The following ZNF197 variants were observed in gnomAD, a reference collection of about 807,000 sequenced individuals.
ZNF197 encodes zinc finger protein 197.
ZNF197 carries 14 observed loss-of-function variants against 27.4 expected under a neutral mutation model. That is an observed-to-expected ratio of 0.51 (90% CI 0.34 to 0.80). The LOEUF is 0.80. Ranked by LOEUF, ZNF197 falls within the 30% of genes least tolerant of loss-of-function variation. ZNF197 has a pLI of 0.02. For missense variants in ZNF197, 1,090 were observed against 1,222.6 expected (o/e 0.89, Z 1.62); for synonymous variants, 415 against 420.0 (o/e 0.99, Z 0.15).
In ZNF197 at chr3:44,642,093, G is replaced by A. The variant is rs1702638375; in HGVS notation, c.963G>A (p.Val321=). 3.1e-6 allele frequency: 5 copies of A among 1,614,080 alleles called. No homozygotes were observed. In the Admixed American group the frequency reaches 6.7e-5, roughly 22 times the overall value. The part of the protein sequence containing the change: ...GNETDERADT[V]KKVSLCERDK... ...AAACAGATGAAAGGGCAGATACAGT[G>A]AAGAAAGTTTCCCTTTGTGAACGAG... The change falls in exon 6 of 6, where the codon GTG becomes GTA. Residue 321 remains valine (V), a synonymous_variant. Coordinates refer to ENST00000344387, the MANE Select transcript of ZNF197 (RefSeq NM_006991.5).
chr3:44,643,765 T>TGTA lies in ZNF197; in HGVS notation c.2637_2639dup (p.Cys879_Arg880insSer). On this transcript the variant is annotated inframe_insertion, in exon 6 of 6. Coordinates refer to ENST00000344387, the MANE Select transcript of ZNF197 (RefSeq NM_006991.5). ...AGAAAAAACCTACGAATGTCATGTA[T>TGTA]GTAGGAAAGTCCTTACCTCTAGTAG... is the stretch of plus-strand genomic sequence containing the variant. The TGTA allele has an allele frequency of 6.2e-7, 1 of 1,614,046 alleles. No homozygotes were observed. The highest frequency in any genetic ancestry group is 8.5e-7 in the Non-Finnish European group (1 of 1,180,030).
Position 44,644,525 on chromosome 3 carries a change from C to T in ZNF197, c.*305C>T. ...TGGGGGCACACACCGGTAATCCCAGCTACTCAGGAGGCTGAGACAGGAGAG... is the reference window on the plus strand; with the variant it reads ...TGGGGGCACACACCGGTAATCCCAGTTACTCAGGAGGCTGAGACAGGAGAG... On this transcript the variant is annotated 3_prime_UTR_variant, in exon 6 of 6. Transcript: ENST00000344387. 1.2e-6 allele frequency: 1 copy of T among 822,210 alleles called. No individual in the cohort carries two copies. Among genetic ancestry groups the T allele is most frequent in the Non-Finnish European group, 1.5e-6 (1 of 669,238 alleles). The allele number at this position is 822,210 out of a possible 1,614,324, so 50.9% of individuals were successfully genotyped here.
In ZNF197 at chr3:44,634,119, T is replaced by C. The variant is rs1575472887; in HGVS notation, c.769+1520T>C. 2.0e-5 allele frequency among the ~76,000 whole-genome samples: 3 copies of C among 152,332 alleles called. No homozygotes were observed. In the East Asian group the frequency reaches 5.8e-4, roughly 29 times the overall value. ...GAGAGCCAATTTTCCCTGGATATGC[T>C]CATGATTTGGTCAGTCTTTTAATTA... On this transcript the variant is annotated intron_variant, in intron 5 of 5. Transcript: ENST00000344387.
At position 44,632,189 on chromosome 3, in the gene ZNF197, A is replaced by C; in HGVS notation, c.635A>C (p.Gln212Pro). The change falls in exon 4 of 6, where the codon CAG (glutamine) becomes CCG (proline). Residue 212 changes from glutamine (Q) to proline (P), a missense_variant. Coordinates refer to ENST00000344387, the MANE Select transcript of ZNF197 (RefSeq NM_006991.5). The stretch of plus-strand genomic sequence containing the variant: ...ATGGCACTTATGCTCCTAACAGCCC[A>C]GCCCCAGGTAAGGTTTGCATCCTCT... Reference protein sequence around the residue: ...QLMALMLLTAQPQELVMFEEV... With the variant: ...QLMALMLLTAPPQELVMFEEV... The C allele has an allele frequency of 6.2e-7, 1 of 1,614,186 alleles. No individual in the cohort carries two copies. Among genetic ancestry groups the C allele is most frequent in the South Asian group, 1.1e-5 (1 of 91,082 alleles).
In ZNF197 at chr3:44,643,089, T is replaced by C. The variant is rs1330702145; in HGVS notation, c.1959T>C (p.Asn653=). The change falls in exon 6 of 6, where the codon AAT becomes AAC. Residue 653 remains asparagine (N), a synonymous_variant. Transcript: ENST00000344387. ...ATGGGGAGAAGCCCTATGAATGTAA[T>C]GAATGTGGGAAAGTTTTTATTCTGA... The part of the protein sequence containing the change: ...LHNGEKPYEC[N]ECGKVFILKK... The C allele has an allele frequency of 3.7e-6, 6 of 1,611,810 alleles. No individual in the cohort carries two copies. The East Asian group carries it at 1.1e-4, about 30-fold the overall frequency.
At chr3:44,634,881 C>T (rs868188530) in intron 5 of ZNF197, among the ~76,000 whole-genome samples, 106 of 151,670 alleles carry the variant, frequency 7.0e-4, no homozygotes, top group African/African-American at 2.4e-3. Flanking sequence ...AGATGGCAGC[C>T]TCACTATGCT....
chr3:44,628,926 G>A (rs548586493), intron 1 of ZNF197, 148 bp from the exon 2 acceptor site: 1 of 444,358 alleles, frequency 2.3e-6, no homozygotes, highest in East Asian at 4.3e-5. Context: ...GGGGGTTTCT[G>A]TCAGAGGAAG....
chr3:44,632,442 T>C lies in ZNF197; in HGVS notation c.643-31T>C, dbSNP rs148671584. 1.3e-4 allele frequency: 202 copies of C among 1,559,442 alleles called. No individual in the cohort carries two copies. The African/African-American group carries it at 2.2e-3, about 17-fold the overall frequency. The stretch of plus-strand genomic sequence containing the variant: ...CTTTCGACAGGCAAGTTCCTGGGCA[T>C]TGGTAATCTCACACACACTTGTTAT... On this transcript the variant is annotated intron_variant, in intron 4 of 5. Transcript: ENST00000344387.
rs926624634 is a variant in ZNF197, at chr3:44,644,492, T to C, written c.*272T>C. ...CATCTCTACTAAAATACAAAAATTA[T>C]CCGGGCATGGGGGCACACACCGGTA... is the stretch of plus-strand genomic sequence containing the variant. On this transcript the variant is annotated 3_prime_UTR_variant, in exon 6 of 6. Coordinates refer to ENST00000344387, the MANE Select transcript of ZNF197 (RefSeq NM_006991.5). 5 of 850,618 alleles carry C rather than the reference T, an allele frequency of 5.9e-6. No homozygotes were observed. The highest frequency in any genetic ancestry group is 9.6e-5 in the Admixed American group (2 of 20,738). 52.7% of individuals were successfully genotyped at this position (850,618 alleles called of 1,614,324 possible).
rs1049587299 is a variant in ZNF197, at chr3:44,640,621, G to A, written c.770-1279G>A. Among the ~76,000 whole-genome samples, 47 of 152,034 alleles carry A rather than the reference G, an allele frequency of 3.1e-4. No homozygotes were observed. Among genetic ancestry groups the A allele is most frequent in the African/African-American group, 9.7e-4 (40 of 41,392 alleles). On this transcript the variant is annotated intron_variant, in intron 5 of 5. Transcript: ENST00000344387. This position sits in a 1 kb window ranked among gnomAD's most constrained non-coding sequence, Gnocchi z 4.0. ...TCAAAGTCCTGACCTCAAGTGATCCGCCCTCCTCAGCCTCCCAGAGTGCTG... is the reference window on the plus strand; with the variant it reads ...TCAAAGTCCTGACCTCAAGTGATCCACCCTCCTCAGCCTCCCAGAGTGCTG...
intron 2 of ZNF197, 72 bp from the exon 3 acceptor site, chr3:44,630,990 A>AG: frequency 1.3e-6 from 2 of 1,593,578 alleles, no homozygotes; most frequent in South Asian, 2.2e-5. Context: ...GGGCAGAAAG[A>AG]GGTCCACAGT....
In ZNF197 at chr3:44,641,804, G is replaced by A. The variant is rs989228558; in HGVS notation, c.770-96G>A. The stretch of plus-strand genomic sequence containing the variant: ...TTCTCCTTTTTGTATGCATATTAAA[G>A]TGTGCCTTCCTAGAATGTTTTAAAG... On this transcript the variant is annotated intron_variant, in intron 5 of 5. Transcript: ENST00000344387. The A allele has an allele frequency of 9.4e-6, 13 of 1,383,794 alleles. No homozygotes were observed. In the East Asian group the frequency reaches 1.3e-4, roughly 13 times the overall value. The allele number at this position is 1,383,794 out of a possible 1,614,324, so 85.7% of individuals were successfully genotyped here. A position where few individuals can be genotyped will look rare whatever the true frequency, so the allele number is the denominator to read the frequency against.
chr3:44,641,544 A>G (rs745399959), intron 5 of ZNF197, among the ~76,000 whole-genome samples: 1 of 152,242 alleles, frequency 6.6e-6, no homozygotes, highest in Non-Finnish European at 1.5e-5. Context: ...GTTACTTCTA[A>G]TCCAATGGTT....
At position 44,647,642 on chromosome 3, in the gene ZNF197, C is replaced by T. The variant is rs1703035336; in HGVS notation, c.*3422C>T. ...TGCAATAAAATTGACTTATTGATAT[C>T]CATAACAACTCAAATAAATTTCAAG... On this transcript the variant is annotated 3_prime_UTR_variant, in exon 6 of 6. Transcript: ENST00000344387. 1 of 152,068 alleles carries T rather than the reference C, an allele frequency of 6.6e-6. No individual in the cohort carries two copies. 9.4% of individuals were successfully genotyped at this position (152,068 alleles called of 1,614,324 possible).
intron 5 of ZNF197, among the ~76,000 whole-genome samples, chr3:44,637,708 T>G (rs921957509): frequency 6.6e-6 from 1 of 152,232 alleles, no homozygotes; most frequent in Non-Finnish European, 1.5e-5. Flanking sequence ...CACCATTTGT[T>G]GAAAAGACTG....
At chr3:44,638,897 A>G (rs555493608) in intron 5 of ZNF197, among the ~76,000 whole-genome samples, 8 of 152,126 alleles carry the variant, frequency 5.3e-5, no homozygotes, top group Non-Finnish European at 8.8e-5. Flanking sequence ...TTTTTTCTGT[A>G]AAGACAGTGT....
Position 44,642,311 on chromosome 3 carries a change from G to T in ZNF197, c.1181G>T (p.Gly394Val), listed in dbSNP as rs764790052. ...ATAAACCATCGGAGAATCCACACTG[G>T]TGAGAAACCTCATAAATGTAAGGAA... ...HLINHRRIHTGEKPHKCKECG... is the reference protein window; with the variant it reads ...HLINHRRIHTVEKPHKCKECG... The change falls in exon 6 of 6, where the codon GGT becomes GTT. Residue 394 changes from glycine to valine, a missense_variant. By Grantham distance (109) the Gly-to-Val change is moderately radical (BLOSUM62 -3). Coordinates refer to ENST00000344387, the MANE Select transcript of ZNF197 (RefSeq NM_006991.5). The T allele has an allele frequency of 3.1e-6, 5 of 1,614,156 alleles. No homozygotes were observed. Among genetic ancestry groups the T allele is most frequent in the Non-Finnish European group, 4.2e-6 (5 of 1,180,020 alleles).
Position 44,645,371 on chromosome 3 carries a change from G to A in ZNF197, c.*1151G>A, listed in dbSNP as rs1223939815. 1.7e-5 allele frequency: 17 copies of A among 985,172 alleles called. No homozygotes were observed. The highest frequency in any genetic ancestry group is 2.0e-5 in the Non-Finnish European group (17 of 829,918). The allele number at this position is 985,172 out of a possible 1,614,324, so 61.0% of individuals were successfully genotyped here. A position where few individuals can be genotyped will look rare whatever the true frequency, so the allele number is the denominator to read the frequency against. ...CTAAAAGATACTCATTTTCATAAGA[G>A]GAAGTATGGTGAATAGCTAACTGGA... On this transcript the variant is annotated 3_prime_UTR_variant, in exon 6 of 6. Coordinates refer to ENST00000344387, the MANE Select transcript of ZNF197 (RefSeq NM_006991.5).
Position 44,646,686 on chromosome 3 carries a change from T to G in ZNF197, c.*2466T>G. ...AGTTTATTATACCATTCTCTGCTTT[T>G]GTGTATGTATGAAAATTTCGATATG... On this transcript the variant is annotated 3_prime_UTR_variant, in exon 6 of 6. Coordinates refer to ENST00000344387, the MANE Select transcript of ZNF197 (RefSeq NM_006991.5). 1.8e-6 allele frequency: 1 copy of G among 568,082 alleles called. No homozygotes were observed. Among genetic ancestry groups the G allele is most frequent in the Non-Finnish European group, 3.2e-6 (1 of 316,986 alleles). The allele number at this position is 568,082 out of a possible 1,614,324, so 35.2% of individuals were successfully genotyped here.
Sources: gnomAD v4.1 joint callset for allele counts (sites outside exome capture counted in the v4.1 genomes callset) on GRCh38, gnomAD v4.1.1 for gene constraint, Gnocchi (gnomAD v3.1) non-coding constraint, MANE v1.5 for transcripts, NCBI Gene and HGNC (gene_info 2026-07-23, HGNC 2026-07-21) for gene names.